NRG2: variants seen among roughly 807,000 people sequenced by gnomAD.
NRG2 encodes the protein pro-neuregulin-2, membrane-bound isoform.
NRG2 carries 27 observed loss-of-function variants against 73.9 expected under a neutral mutation model. The observed-to-expected ratio is 0.37, with a 90% CI of 0.27 to 0.50. NRG2 has a LOEUF of 0.50. Ranked by LOEUF, NRG2 falls within the 20% of genes least tolerant of loss-of-function variation. The pLI is 0.96. For missense variants in NRG2, 1,126 were observed against 1,210.1 expected, an observed-to-expected ratio of 0.93 and a Z score of 1.03; for synonymous variants, 532 against 541.0, an observed-to-expected ratio of 0.98 and a Z score of 0.23.
At chr5:139,948,173 G>A (rs1368339108) in intron 1 of NRG2, among the ~76,000 whole-genome samples, 1 of 152,038 alleles carries the variant, frequency 6.6e-6, no homozygotes, top group Non-Finnish European at 1.5e-5. Context: ...TGTGGCATTT[G>A]TCTTTTTGTG....
intron 1 of NRG2, among the ~76,000 whole-genome samples, chr5:139,893,803 A>G (rs984121631): frequency 6.6e-6 from 1 of 152,184 alleles, no homozygotes; most frequent in Admixed American, 6.5e-5. Context: ...AAGCTCTCTC[A>G]AGGATGGCCC....
chr5:139,875,330 C>T (rs1049070569), intron 3 of NRG2, among the ~76,000 whole-genome samples: 2 of 152,178 alleles, frequency 1.3e-5, no homozygotes, highest in African/African-American at 4.8e-5. Flanking sequence ...CTGTTTAATG[C>T]TTAGTTTCTT....
intron 1 of NRG2, among the ~76,000 whole-genome samples, chr5:139,993,623 T>C (rs1206409151): frequency 1.3e-5 from 2 of 152,248 alleles, no homozygotes; most frequent in East Asian, 3.8e-4. Context: ...ATTTTCATCT[T>C]GCTCCAGCCC....
rs868459537 is a variant in NRG2, at chr5:139,950,923, C to T, written c.701-63412G>A. 5.2e-5 allele frequency among the ~76,000 whole-genome samples: 8 copies of T among 152,386 alleles called. 1 individual carries two copies. In the South Asian group the frequency reaches 1.7e-3, roughly 32 times the overall value. ...GCTGCATCGTGACTACTAGCCCAGT[C>T]AGTATCCTGGCCACTGCTGCCAATA... is the stretch of plus-strand genomic sequence containing the variant. On this transcript the variant is annotated intron_variant, in intron 1 of 9. Coordinates refer to ENST00000361474, the MANE Select transcript of NRG2 (RefSeq NM_004883.3).
chr5:139,890,469 CTTTCTTT>C (rs1490846558), intron 1 of NRG2, among the ~76,000 whole-genome samples: 20 of 111,940 alleles, frequency 1.8e-4, no homozygotes, highest in African/African-American at 4.0e-4. Context: ...TTCTTTCTTT[CTTTCTTT>C]TTTTTTTTTT....
intron 1 of NRG2, among the ~76,000 whole-genome samples, chr5:139,970,945 TTC>T (rs1755920484): frequency 6.6e-6 from 1 of 152,226 alleles, no homozygotes; most frequent in South Asian, 2.1e-4. Flanking sequence ...TAACCAGTTT[TTC>T]TTTTTTTTTT....
At position 139,853,871 on chromosome 5, in the gene NRG2, C is replaced by A. The variant is rs895288382; in HGVS notation, c.1293-844G>T. ...TAGTATTCAATAGCATATGGGGTGA[C>A]TATAGTCAATAATAATTTAATTATA... On this transcript the variant is annotated intron_variant, in intron 6 of 9. Coordinates refer to ENST00000361474, the MANE Select transcript of NRG2 (RefSeq NM_004883.3). This position sits in a 1 kb window ranked among gnomAD's most constrained non-coding sequence, Gnocchi z 4.1. 1.3e-5 allele frequency among the ~76,000 whole-genome samples: 2 copies of A among 152,008 alleles called. No individual in the cohort carries two copies. The highest frequency in any genetic ancestry group is 2.9e-5 in the Non-Finnish European group (2 of 68,022).
In NRG2 at chr5:139,852,826, G is replaced by A. The variant is rs1761543363; in HGVS notation, c.1416+78C>T. 1.3e-6 allele frequency: 2 copies of A among 1,591,074 alleles called. No individual in the cohort carries two copies. Among genetic ancestry groups the A allele is most frequent in the Admixed American group, 1.8e-5 (1 of 55,640 alleles). On this transcript the variant is annotated intron_variant, in intron 7 of 9. Transcript: ENST00000361474. The surrounding 1 kb of genome is among the most constrained non-coding windows in gnomAD (Gnocchi z 4.4). ...CATGGGATAGGCTGGCTGCTGCCCTGGCCCATCCTTGCAGGGGGCATGAGA... is the reference window on the plus strand; with the variant it reads ...CATGGGATAGGCTGGCTGCTGCCCTAGCCCATCCTTGCAGGGGGCATGAGA...
intron 3 of NRG2, among the ~76,000 whole-genome samples, chr5:139,880,398 C>T (rs184370649): frequency 1.3e-5 from 2 of 152,242 alleles, no homozygotes; most frequent in Admixed American, 6.5e-5. Context: ...GAGGCTGCCA[C>T]CAGGGGCCCC....
In NRG2 at chr5:139,887,049, C is replaced by T. The variant is rs1234353197; in HGVS notation, c.872+291G>A. On this transcript the variant is annotated intron_variant, in intron 2 of 9. Coordinates refer to ENST00000361474, the MANE Select transcript of NRG2 (RefSeq NM_004883.3). This position sits in a 1 kb window ranked among gnomAD's most constrained non-coding sequence, Gnocchi z 4.5. ...AAGTTTTAGAGATGAGCAGGGTCTT[C>T]CACTGATCAAGCTGACTGTGACAGT... Among the ~76,000 whole-genome samples, 1 of 152,218 alleles carries T rather than the reference C, an allele frequency of 6.6e-6. No homozygotes were observed. The highest frequency in any genetic ancestry group is 1.9e-4 in the East Asian group (1 of 5,204).
At chr5:140,020,147 T>C (rs1379817677) in intron 1 of NRG2, among the ~76,000 whole-genome samples, 3 of 152,230 alleles carry the variant, frequency 2.0e-5, no homozygotes, top group East Asian at 1.9e-4. Context: ...CTCCTTGCTA[T>C]TCAACTCAAA....
chr5:140,039,621 T>TGATAAGAA (rs1761764790), intron 1 of NRG2, among the ~76,000 whole-genome samples: 1 of 152,162 alleles, frequency 6.6e-6, no homozygotes, highest in African/African-American at 2.4e-5. Flanking sequence ...AGAGGTCCAG[T>TGATAAGAA]GTGACCTCCT....
chr5:139,861,491 G>C (rs1243204530), intron 5 of NRG2, among the ~76,000 whole-genome samples: 1 of 152,228 alleles, frequency 6.6e-6, no homozygotes, highest in Non-Finnish European at 1.5e-5. Context: ...GCTTGAGGAA[G>C]ATCCTGGGGC....
rs1755828822 is a variant in NRG2, at chr5:139,969,635, TA to T, written c.700+72734del. On this transcript the variant is annotated intron_variant, in intron 1 of 9. Coordinates refer to ENST00000361474, the MANE Select transcript of NRG2 (RefSeq NM_004883.3). ...CTCCTTACCTTCCTTTACCAATGTT[TA>T]TTGAATCAACTCTATGCTCAGCTCC... is the stretch of plus-strand genomic sequence containing the variant. 2.0e-5 allele frequency among the ~76,000 whole-genome samples: 3 copies of T among 152,238 alleles called. No homozygotes were observed. In the South Asian group the frequency reaches 6.2e-4, roughly 32 times the overall value.
At chr5:139,888,280 C>T (rs7731474) in intron 1 of NRG2, among the ~76,000 whole-genome samples, 8,393 of 152,168 alleles carry the variant, frequency 0.055, 794 homozygotes, top group African/African-American at 0.19. Flanking sequence ...TCCCTGACCT[C>T]TGTGAGGCAG....
intron 1 of NRG2, among the ~76,000 whole-genome samples, chr5:140,022,665 G>T (rs1039915700): frequency 1.6e-4 from 24 of 152,116 alleles, no homozygotes; most frequent in Admixed American, 1.4e-3. Flanking sequence ...TTATACTTGA[G>T]TTTTCCCCTT....
At position 139,856,029 on chromosome 5, in the gene NRG2, C is replaced by A. The variant is rs1029810444; in HGVS notation, c.1190-251G>T. The A allele has an allele frequency of 1.5e-5, 8 of 529,744 alleles. No homozygotes were observed. Among genetic ancestry groups the A allele is most frequent in the Non-Finnish European group, 2.7e-5 (8 of 292,564 alleles). The allele number at this position is 529,744 out of a possible 1,614,324, so 32.8% of individuals were successfully genotyped here. A position where few individuals can be genotyped will look rare whatever the true frequency, so the allele number is the denominator to read the frequency against. On this transcript the variant is annotated intron_variant, in intron 5 of 9. Transcript: ENST00000361474. This position sits in a 1 kb window ranked among gnomAD's most constrained non-coding sequence, Gnocchi z 4.2. Reference sequence around the variant, plus strand: ...CTCCTCCTGAGTTCCCCTCCCCAAGCCCCATGCCTGCCCAGAGCACATGAG... The same window carrying A: ...CTCCTCCTGAGTTCCCCTCCCCAAGACCCATGCCTGCCCAGAGCACATGAG...
Position 139,848,320 on chromosome 5 carries a change from T to G in NRG2, c.2150A>C (p.Gln717Pro). ...IPEDDEYETTQECAPPPPPRP... is the reference protein window; with the variant it reads ...IPEDDEYETTPECAPPPPPRP... ...CGGCGGCGGCGGGGGCGCGCACTCC[T>G]GCGTGGTCTCGTACTCGTCGTCCTC... The change falls in exon 10 of 10, where the codon CAG becomes CCG. Residue 717 changes from glutamine (Q) to proline (P), a missense_variant. By Grantham distance (76) the Gln-to-Pro change is moderately conservative. Around this residue, in one of 3 missense-constraint regions of NRG2, gnomAD observed 402 missense variants for 357.8 expected, o/e 1.12. Transcript: ENST00000361474. 1 of 1,191,558 alleles carries G rather than the reference T, an allele frequency of 8.4e-7. No homozygotes were observed. Among genetic ancestry groups the G allele is most frequent in the Non-Finnish European group, 1.0e-6 (1 of 963,654 alleles). 73.8% of individuals were successfully genotyped at this position (1,191,558 alleles called of 1,614,324 possible). A position where few individuals can be genotyped will look rare whatever the true frequency, so the allele number is the denominator to read the frequency against.
intron 1 of NRG2, among the ~76,000 whole-genome samples, chr5:139,907,581 C>A (rs1277695047): frequency 6.6e-6 from 1 of 152,146 alleles, no homozygotes; most frequent in East Asian, 1.9e-4. Flanking sequence ...AGACAATTCT[C>A]CTGGGGGTAG....
Sources: allele counts gnomAD v4.1 joint callset (sites outside exome capture counted in the v4.1 genomes callset), GRCh38; gene constraint gnomAD v4.1.1; regional missense constraint gnomAD v4.1.1; non-coding constraint Gnocchi (gnomAD v3.1); transcripts MANE v1.5; gene names NCBI Gene and HGNC (gene_info 2026-07-23, HGNC 2026-07-21).